Variants in TRAF3IP1 observed in about 807,000 individuals in gnomAD.
TRAF3IP1 encodes intraflagellar transport 54, also known as TRAF3-interacting protein 1.
Under a neutral mutation model 89.9 loss-of-function variants are expected in TRAF3IP1, and 53 were observed. The ratio of observed to expected loss-of-function variants is 0.59; its 90% CI spans 0.47 to 0.74. TRAF3IP1 has a LOEUF of 0.74. Among genes scored for constraint, TRAF3IP1 ranks in the 30% least tolerant of loss-of-function variants. TRAF3IP1 has a pLI of 0.00. For missense variants in TRAF3IP1, 806 were observed against 866.1 expected, an observed-to-expected ratio of 0.93 and a Z score of 0.87; for synonymous variants, 311 against 322.1, an observed-to-expected ratio of 0.97 and a Z score of 0.37.
At chr2:238,366,816 C>T (rs1001663593) in intron 15 of TRAF3IP1, among the ~76,000 whole-genome samples, 2 of 151,982 alleles carry the variant, frequency 1.3e-5, no homozygotes, top group African/African-American at 4.8e-5. Flanking sequence ...AATATACTCA[C>T]TGTGACACAT....
At chr2:238,341,460 C>T (rs1409330234) in intron 8 of TRAF3IP1, among the ~76,000 whole-genome samples, 1 of 151,826 alleles carries the variant, frequency 6.6e-6, no homozygotes, top group Non-Finnish European at 1.5e-5. Flanking sequence ...TCTAACTGAA[C>T]TCAGTTATTG....
rs926709881 is a variant in TRAF3IP1, at chr2:238,379,561, C to T, written c.1690-17898C>T. Among the ~76,000 whole-genome samples, 1 of 152,198 alleles carries T rather than the reference C, an allele frequency of 6.6e-6. No individual in the cohort carries two copies. Among genetic ancestry groups the T allele is most frequent in the African/African-American group, 2.4e-5 (1 of 41,448 alleles). On this transcript the variant is annotated intron_variant, in intron 15 of 16. Coordinates refer to ENST00000373327, the MANE Select transcript of TRAF3IP1 (RefSeq NM_015650.4). This position sits in a 1 kb window ranked among gnomAD's most constrained non-coding sequence, Gnocchi z 4.0. ...TTTGCTCATCCAGTCCTTAGACTCA[C>T]TTCTTCTATTCATAATTAATTCTGT...
chr2:238,321,352 A>G (rs1038290530), intron 1 of TRAF3IP1, among the ~76,000 whole-genome samples: 2 of 152,112 alleles, frequency 1.3e-5, no homozygotes, highest in African/African-American at 2.4e-5. Context: ...ATCCTGGGAG[A>G]ATGGAAATAA....
intron 9 of TRAF3IP1, 62 bp downstream of exon 9, chr2:238,344,660 T>C: frequency 1.4e-6 from 2 of 1,440,084 alleles, no homozygotes; most frequent in South Asian, 1.1e-5. Context: ...CAGAACCTTC[T>C]TCTCAAAGGG....
At chr2:238,321,296 C>T (rs1697531041) in intron 1 of TRAF3IP1, among the ~76,000 whole-genome samples, 1 of 152,236 alleles carries the variant, frequency 6.6e-6, no homozygotes, top group Non-Finnish European at 1.5e-5. Flanking sequence ...TGCAGAACCC[C>T]TCTCGCTTGC....
intron 7 of TRAF3IP1, among the ~76,000 whole-genome samples, chr2:238,337,814 A>C (rs767022779): frequency 2.0e-5 from 3 of 152,178 alleles, no homozygotes; most frequent in Non-Finnish European, 4.4e-5. Context: ...AGTGTTAGGA[A>C]TTCTGTGTTG....
chr2:238,380,038 A>G (rs992293508), intron 15 of TRAF3IP1, among the ~76,000 whole-genome samples: 5 of 152,254 alleles, frequency 3.3e-5, no homozygotes, highest in Non-Finnish European at 7.3e-5. Context: ...TCTAAAATGT[A>G]GAGAAAGTGA....
chr2:238,374,328 T>A (rs1032796652), intron 15 of TRAF3IP1, among the ~76,000 whole-genome samples: 1 of 152,102 alleles, frequency 6.6e-6, no homozygotes, highest in Non-Finnish European at 1.5e-5. Context: ...TTATTGAGAG[T>A]TTTTAGCATG....
Position 238,348,768 on chromosome 2 carries a change from A to G in TRAF3IP1, c.1287A>G (p.Gly429=). ...AATTGATTGTCATTTGTTTAGAAGG[A>G]GATGCTGGACCTGCTGGCCAAGATA... ...QKGDSTSDAE[G]DAGPAGQDKS... The change falls in exon 11 of 17, where the codon GGA becomes GGG. Residue 429 remains glycine, a synonymous_variant. Transcript: ENST00000373327. 1 of 1,613,996 alleles carries G rather than the reference A, an allele frequency of 6.2e-7. No individual in the cohort carries two copies. The highest frequency in any genetic ancestry group is 8.5e-7 in the Non-Finnish European group (1 of 1,179,912).
chr2:238,381,145 T>TA (rs1292847565), intron 15 of TRAF3IP1, among the ~76,000 whole-genome samples: 6 of 145,840 alleles, frequency 4.1e-5, no homozygotes, highest in Non-Finnish European at 9.1e-5. Context: ...TTATTTATTT[T>TA]TTTTTTTTTC....
intron 15 of TRAF3IP1, among the ~76,000 whole-genome samples, chr2:238,390,957 T>A (rs1299843365): frequency 2.0e-5 from 3 of 152,114 alleles, no homozygotes; most frequent in African/African-American, 7.2e-5. Context: ...TTTTCTTTTC[T>A]TTTTTCTTTT....
chr2:238,376,560 A>C (rs1700325315), intron 15 of TRAF3IP1, among the ~76,000 whole-genome samples: 1 of 152,186 alleles, frequency 6.6e-6, no homozygotes, highest in African/African-American at 2.4e-5. Context: ...TTTCAGTTGG[A>C]GTATTTATGA....
chr2:238,328,881 G>C, intron 4 of TRAF3IP1, 45 bp from the exon 5 acceptor site: 1 of 1,592,160 alleles, frequency 6.3e-7, no homozygotes, highest in East Asian at 2.2e-5. Context: ...TCTTTTTGTA[G>C]TTTAGGTAAA....
At chr2:238,340,267 T>C (rs186556120) in intron 8 of TRAF3IP1, among the ~76,000 whole-genome samples, 8 of 152,320 alleles carry the variant, frequency 5.3e-5, no homozygotes, top group Non-Finnish European at 1.2e-4. Flanking sequence ...TGGCAGTTGT[T>C]ACAGTTCCTT....
At chr2:238,369,987 T>C (rs1324970255) in intron 15 of TRAF3IP1, among the ~76,000 whole-genome samples, 1 of 152,178 alleles carries the variant, frequency 6.6e-6, no homozygotes, top group Non-Finnish European at 1.5e-5. Flanking sequence ...TTCTTTGAGC[T>C]GTTCCTTGCT....
chr2:238,355,235 C>T (rs1699356447), intron 14 of TRAF3IP1, among the ~76,000 whole-genome samples: 1 of 152,046 alleles, frequency 6.6e-6, no homozygotes, highest in Non-Finnish European at 1.5e-5. Flanking sequence ...ACCCTCTACT[C>T]TCCCTGTCTC....
intron 15 of TRAF3IP1, among the ~76,000 whole-genome samples, chr2:238,369,684 G>A (rs764927804): frequency 1.3e-5 from 2 of 152,182 alleles, no homozygotes; most frequent in African/African-American, 2.4e-5. Flanking sequence ...GACTGCAGAC[G>A]CTCTCCGTGG....
rs75310359 is a variant in TRAF3IP1 at position 238,353,594 on chromosome 2, C to T, written c.1612+385C>T. Among the ~76,000 whole-genome samples, 736 of 152,274 alleles carry T rather than the reference C, an allele frequency of 4.8e-3. 7 individuals carry two copies. Among genetic ancestry groups the T allele is most frequent in the African/African-American group, 0.016 (671 of 41,542 alleles). The stretch of plus-strand genomic sequence containing the variant: ...CTGGACAACTCAGTAGTGCAAACCC[C>T]GTTCCCCACACCAGGGTTTGAGTAT... On this transcript the variant is annotated intron_variant, in intron 14 of 16. Transcript: ENST00000373327.
At chr2:238,325,704 C>A in intron 2 of TRAF3IP1, 105 bp from the exon 3 acceptor site, 2 of 1,151,326 alleles carry the variant, frequency 1.7e-6, no homozygotes, top group Non-Finnish European at 2.5e-6. Context: ...CTAAAAACAG[C>A]TTTGTATGTA....
Sources: allele counts gnomAD v4.1 joint callset (sites outside exome capture counted in the v4.1 genomes callset), GRCh38; gene constraint gnomAD v4.1.1; non-coding constraint Gnocchi (gnomAD v3.1); transcripts MANE v1.5; gene names NCBI Gene and HGNC (gene_info 2026-07-23, HGNC 2026-07-21).